Variants in CFAP47 observed in about 807,000 individuals in gnomAD.
The protein encoded by CFAP47 is cilia and flagella associated protein 47.
A neutral mutation model predicts 148.1 loss-of-function variants in CFAP47; 29 were observed. The observed-to-expected ratio is 0.20, with a 90% CI of 0.15 to 0.27. The LOEUF is 0.27. Among genes scored for constraint, CFAP47 ranks in the 10% least tolerant of loss-of-function variants. The pLI is 1.00. For synonymous variants in CFAP47, 664 were observed against 577.3 expected, an observed-to-expected ratio of 1.15 and a Z score of -2.15; for missense variants, 1,872 against 1,697.5, an observed-to-expected ratio of 1.10 and a Z score of -1.81.
intron 2 of CFAP47, among the ~76,000 whole-genome samples, chrX:35,940,339 C>G (rs2146630900): frequency 9.0e-6 from 1 of 110,948 alleles, no homozygotes; most frequent in South Asian, 3.8e-4. Context: ...GTTGCCATTG[C>G]TTTTGGTGTT....
At position 36,285,732 on chromosome X, in the gene CFAP47, T is replaced by C; in HGVS notation, c.7686+6T>C. 1.8e-6 allele frequency: 2 copies of C among 1,142,666 alleles called. No homozygotes were observed. Among genetic ancestry groups the C allele is most frequent in the Non-Finnish European group, 2.3e-6 (2 of 854,908 alleles). The allele number at this position is 1,142,666 out of a possible 1,213,427, so 94.2% of individuals were successfully genotyped here. A position where few individuals can be genotyped will look rare whatever the true frequency, so the allele number is the denominator to read the frequency against. The stretch of plus-strand genomic sequence containing the variant: ...AAATGACATGTATTGCTCTGGTAAG[T>C]GCCCATTGCATGTTCATAGACTCTG... On this transcript the variant is annotated splice_donor_region_variant and intron_variant, in intron 51 of 63. Transcript: ENST00000378653.
chrX:36,055,992 A>AT (rs1937551809), intron 26 of CFAP47, among the ~76,000 whole-genome samples: 1 of 106,807 alleles, frequency 9.4e-6, no homozygotes, highest in Non-Finnish European at 1.9e-5. Flanking sequence ...TCCTTTGCCC[A>AT]TTTTTTAATG....
intron 15 of CFAP47, among the ~76,000 whole-genome samples, chrX:35,978,513 T>A (rs773773681): frequency 1.8e-5 from 2 of 111,925 alleles, no homozygotes; most frequent in South Asian, 7.4e-4. Context: ...AAACAAACAA[T>A]TACCAAGGTA....
rs1556023692 is a variant in CFAP47, at chrX:36,379,495, T to A, written c.9331T>A (p.Tyr3111Asn). 8.6e-7 allele frequency: 1 copy of A among 1,162,790 alleles called. No homozygotes were observed. The highest frequency in any genetic ancestry group is 1.9e-5 in the South Asian group (1 of 52,618). Residue 3111 changes from tyrosine to asparagine, a missense_variant, in exon 63 of 64, where the codon TAT becomes AAT. Transcript: ENST00000378653. ...GFKPKMYCRKYKATLVIQTEE... is the reference protein window; with the variant it reads ...GFKPKMYCRKNKATLVIQTEE... ...TAAACCTAAAATGTACTGTAGGAAA[T>A]ATAAAGCAACATTAGTAATACAGGT...
At chrX:36,038,780 A>G (rs1937367741) in intron 24 of CFAP47, among the ~76,000 whole-genome samples, 1 of 112,534 alleles carries the variant, frequency 8.9e-6, no homozygotes, top group African/African-American at 3.2e-5. Flanking sequence ...GTCAAGCTGT[A>G]CTTTAAAATA....
chrX:35,954,254 A>G (rs6632433), intron 7 of CFAP47, among the ~76,000 whole-genome samples: 18,584 of 110,042 alleles, frequency 0.17, 1,758 homozygotes, highest in African/African-American at 0.33. Flanking sequence ...TAGGTTGGTT[A>G]TAGTGAGGAA....
intron 29 of CFAP47, among the ~76,000 whole-genome samples, chrX:36,079,580 A>G (rs1937933808): frequency 9.0e-6 from 1 of 111,300 alleles, no homozygotes; most frequent in African/African-American, 3.3e-5. Flanking sequence ...CAATCATCTA[A>G]TCTTTTGTTC....
chrX:36,050,386 G>A lies in CFAP47; in HGVS notation c.4217+3323G>A, dbSNP rs138739028. Among the ~76,000 whole-genome samples the A allele has an allele frequency of 2.5e-3, 278 of 111,613 alleles. 3 individuals carry two copies. In the East Asian group the frequency reaches 0.048, roughly 19 times the overall value. On this transcript the variant is annotated intron_variant, in intron 26 of 63. Transcript: ENST00000378653. ...CTTGTTGAATAGCTTAGACCAAAAT[G>A]CTGATTGTGATATGGACAACAAAGT...
chrX:36,172,615 A>G (rs1249645570), intron 39 of CFAP47, among the ~76,000 whole-genome samples: 5 of 110,630 alleles, frequency 4.5e-5, no homozygotes, highest in Admixed American at 9.6e-5. Context: ...TGATTTGCAT[A>G]TGTTGAACCA....
At chrX:36,288,796 G>GC (rs1174659912) in intron 51 of CFAP47, among the ~76,000 whole-genome samples, 1 of 111,057 alleles carries the variant, frequency 9.0e-6, no homozygotes, top group Non-Finnish European at 1.9e-5. Context: ...ACTTTGGGAA[G>GC]CCAAGGTGGT....
chrX:36,247,736 T>C (rs1436903021), intron 48 of CFAP47, among the ~76,000 whole-genome samples: 1 of 111,020 alleles, frequency 9.0e-6, no homozygotes, highest in Non-Finnish European at 1.9e-5. Context: ...AATCTGACAG[T>C]AATGGAAGAT....
chrX:35,928,498 T>A (rs1935778673), intron 2 of CFAP47, among the ~76,000 whole-genome samples: 1 of 111,901 alleles, frequency 8.9e-6, no homozygotes, highest in African/African-American at 3.2e-5. Flanking sequence ...CATTTTATGA[T>A]TACATTGCTC....
chrX:36,343,956 C>T (rs781953661), intron 57 of CFAP47, among the ~76,000 whole-genome samples: 104 of 108,178 alleles, frequency 9.6e-4, no homozygotes, highest in African/African-American at 3.5e-3. Flanking sequence ...ATGAACTCAT[C>T]ATTTTTTATG....
rs762203457 is a variant in CFAP47 at position 35,941,316 on chromosome X, A to C, written c.435A>C (p.Ser145=). Reference sequence around the variant, plus strand: ...CATCCTGTCAATTGGAAATTGAATCAGTAGTTAATTTTGGCACACTGGTTG... The same window carrying C: ...CATCCTGTCAATTGGAAATTGAATCCGTAGTTAATTTTGGCACACTGGTTG... ...LIPSCQLEIE[S]VVNFGTLVAN... The change falls in exon 3 of 64, where the codon TCA becomes TCC. Residue 145 remains serine (S), a synonymous_variant. Transcript: ENST00000378653. 8.5e-7 allele frequency: 1 copy of C among 1,174,337 alleles called. No individual in the cohort carries two copies. The highest frequency in any genetic ancestry group is 1.1e-6 in the Non-Finnish European group (1 of 874,148).
intron 56 of CFAP47, among the ~76,000 whole-genome samples, chrX:36,314,217 T>A (rs1293059087): frequency 9.0e-6 from 1 of 111,238 alleles, no homozygotes; most frequent in African/African-American, 3.3e-5. Context: ...GAAAAAGTAG[T>A]GAATTTGAAG....
chrX:36,379,785 A>G (rs1256858765), intron 63 of CFAP47: 2 of 248,806 alleles, frequency 8.0e-6, no homozygotes, highest in East Asian at 1.7e-4. Context: ...ACTTTAGAAC[A>G]GACAAATAAT....
intron 61 of CFAP47, among the ~76,000 whole-genome samples, chrX:36,364,654 G>A (rs1941856767): frequency 9.2e-6 from 1 of 108,407 alleles, no homozygotes; most frequent in Non-Finnish European, 1.9e-5. Flanking sequence ...CACAAACAAT[G>A]AATAGTAAGA....
At chrX:36,078,351 G>T (rs908169592) in intron 29 of CFAP47, among the ~76,000 whole-genome samples, 5 of 110,897 alleles carry the variant, frequency 4.5e-5, no homozygotes, top group African/African-American at 1.6e-4. Flanking sequence ...TCTCTTTGTA[G>T]GTCTCTAAGG....
chrX:36,350,011 C>A, intron 58 of CFAP47, 27 bp from the exon 59 acceptor site: 1 of 925,697 alleles, frequency 1.1e-6, no homozygotes, highest in Non-Finnish European at 1.5e-6. Context: ...CCTTTTGTTC[C>A]CTCTTAATAT....
Sources: allele counts gnomAD v4.1 joint callset (sites outside exome capture counted in the v4.1 genomes callset), GRCh38; gene constraint gnomAD v4.1.1; transcripts MANE v1.5; gene names NCBI Gene and HGNC (gene_info 2026-07-23, HGNC 2026-07-21).